Variants in IQUB observed in about 807,000 individuals in gnomAD.
The protein encoded by IQUB is IQ motif and ubiquitin-like domain-containing protein.
IQUB carries 86 observed loss-of-function variants against 86.4 expected under a neutral mutation model. The observed-to-expected ratio is 1.00, with a 90% CI of 0.84 to 1.19. IQUB has a LOEUF of 1.19. Among genes scored for constraint, IQUB ranks in the 50% most tolerant of loss-of-function variants. The probability of loss-of-function intolerance (pLI) is 0.00; values close to 1 mark genes in which losing one functional copy is unlikely to be tolerated. For synonymous variants in IQUB, 289 were observed against 304.5 expected, an observed-to-expected ratio of 0.95 and a Z score of 0.53; for missense variants, 946 against 916.9, an observed-to-expected ratio of 1.03 and a Z score of -0.41.
chr7:123,524,828 G>C (rs983979636), intron 1 of IQUB, among the ~76,000 whole-genome samples: 1 of 149,970 alleles, frequency 6.7e-6, no homozygotes, highest in Non-Finnish European at 1.5e-5. Context: ...TATGATATTG[G>C]CTGTGGGTTT....
chr7:123,469,142 G>C, intron 9 of IQUB, 72 bp downstream of exon 9: 1 of 1,059,794 alleles, frequency 9.4e-7, no homozygotes, highest in Non-Finnish European at 1.3e-6. Context: ...CACTTTACTT[G>C]TTTTAGTATT....
chr7:123,510,588 A>T (rs933013772), intron 2 of IQUB, among the ~76,000 whole-genome samples: 1 of 152,186 alleles, frequency 6.6e-6, no homozygotes, highest in African/African-American at 2.4e-5. Context: ...ACTGTTTTAC[A>T]TCTACAGACT....
chr7:123,529,477 GTTT>G (rs74558576), intron 1 of IQUB, among the ~76,000 whole-genome samples: 1 of 147,922 alleles, frequency 6.8e-6, no homozygotes. Context: ...TGTCTCTAGT[GTTT>G]TTTTTTTGTT....
At position 123,509,990 on chromosome 7, in the gene IQUB, A is replaced by G. The variant is rs766387406; in HGVS notation, c.443T>C (p.Phe148Ser). 8 of 1,595,494 alleles carry G rather than the reference A, an allele frequency of 5.0e-6. No homozygotes were observed. Among genetic ancestry groups the G allele is most frequent in the Non-Finnish European group, 6.9e-6 (8 of 1,166,304 alleles). ...IPVGQEIVIPFKVDTILKYLK... is the reference protein window; with the variant it reads ...IPVGQEIVIPSKVDTILKYLK... The stretch of plus-strand genomic sequence containing the variant: ...ATATTTAAGAATGGTATCAACCTTA[A>G]AAGGTATTACAATTTCCTGGCCCAC... The change falls in exon 3 of 13, where the codon TTT becomes TCT. Residue 148 changes from phenylalanine to serine, a missense_variant. Phe to Ser is a radical substitution (Grantham distance 155). Coordinates refer to ENST00000324698, the MANE Select transcript of IQUB (RefSeq NM_178827.5).
intron 3 of IQUB, among the ~76,000 whole-genome samples, chr7:123,505,534 T>C (rs1796139185): frequency 6.6e-6 from 1 of 152,118 alleles, no homozygotes; most frequent in Admixed American, 6.5e-5. Flanking sequence ...CTTAATACCA[T>C]ATGGAAGCCA....
chr7:123,530,465 A>AAAC (rs369535882), intron 1 of IQUB, among the ~76,000 whole-genome samples: 4 of 151,980 alleles, frequency 2.6e-5, no homozygotes, highest in East Asian at 3.9e-4. Flanking sequence ...AAACAACAAC[A>AAAC]AACAACAACA....
At chr7:123,494,828 A>G (rs755822424) in intron 7 of IQUB, among the ~76,000 whole-genome samples, 10 of 152,126 alleles carry the variant, frequency 6.6e-5, no homozygotes, top group Non-Finnish European at 1.0e-4. Context: ...GAGGTTTAGG[A>G]TAAGTGAGAA....
chr7:123,513,101 G>A (rs1796499671), intron 1 of IQUB, among the ~76,000 whole-genome samples: 1 of 152,142 alleles, frequency 6.6e-6, no homozygotes, highest in Non-Finnish European at 1.5e-5. Flanking sequence ...CAAAGGCAAG[G>A]GGAATATGAA....
Position 123,534,559 on chromosome 7 carries a change from T to C in IQUB, c.-72A>G, listed in dbSNP as rs1228792858. Reference sequence around the variant, plus strand: ...GGCTCCTAAGACGCAGCTTCCATACTCGCCGCGTTCTCAGCTGTTGGTCGT... The same window carrying C: ...GGCTCCTAAGACGCAGCTTCCATACCCGCCGCGTTCTCAGCTGTTGGTCGT... On this transcript the variant is annotated 5_prime_UTR_variant, in exon 1 of 13. Coordinates refer to ENST00000324698, the MANE Select transcript of IQUB (RefSeq NM_178827.5). 1 of 153,588 alleles carries C rather than the reference T, an allele frequency of 6.5e-6. No homozygotes were observed. Among genetic ancestry groups the C allele is most frequent in the Non-Finnish European group, 1.5e-5 (1 of 68,706 alleles). The allele number at this position is 153,588 out of a possible 1,614,324, so 9.5% of individuals were successfully genotyped here.
At chr7:123,504,951 C>G (rs1796111274) in intron 3 of IQUB, among the ~76,000 whole-genome samples, 1 of 152,196 alleles carries the variant, frequency 6.6e-6, no homozygotes, top group Non-Finnish European at 1.5e-5. Flanking sequence ...AAATCAAAAA[C>G]AAGTTAGTTA....
At chr7:123,463,539 C>CTATAGTATGACTGA (rs1794099538) in intron 10 of IQUB, among the ~76,000 whole-genome samples, 1 of 151,734 alleles carries the variant, frequency 6.6e-6, no homozygotes, top group East Asian at 1.9e-4. Flanking sequence ...CAAAAGACTA[C>CTATAGTATGACTGA]ATATAGTATG....
intron 6 of IQUB, 135 bp downstream of exon 6, chr7:123,502,462 G>C (rs909515089): frequency 2.8e-6 from 2 of 705,756 alleles, no homozygotes; most frequent in South Asian, 1.8e-5. Flanking sequence ...AGACTGCTTT[G>C]TTAGCAGTGA....
At chr7:123,519,419 A>G (rs1353327664) in intron 1 of IQUB, among the ~76,000 whole-genome samples, 1 of 152,236 alleles carries the variant, frequency 6.6e-6, no homozygotes, top group Non-Finnish European at 1.5e-5. Flanking sequence ...CACCGAATAA[A>G]GAAAGAAAAT....
chr7:123,497,789 A>G (rs1057326603), intron 6 of IQUB, among the ~76,000 whole-genome samples: 6 of 150,724 alleles, frequency 4.0e-5, no homozygotes, highest in Non-Finnish European at 7.4e-5. Context: ...CCAAAAGAAT[A>G]GAAACTTTGA....
chr7:123,529,071 TTTG>T (rs1226917014), intron 1 of IQUB, among the ~76,000 whole-genome samples: 1 of 152,174 alleles, frequency 6.6e-6, no homozygotes, highest in East Asian at 1.9e-4. Flanking sequence ...TATCATTCAT[TTTG>T]TTGTTGTTTT....
chr7:123,469,708 G>A (rs1794440129), intron 8 of IQUB, among the ~76,000 whole-genome samples: 1 of 152,052 alleles, frequency 6.6e-6, no homozygotes, highest in Non-Finnish European at 1.5e-5. Context: ...TTATTTGCTT[G>A]GTTCAATTAT....
At chr7:123,527,589 C>G (rs372520138) in intron 1 of IQUB, among the ~76,000 whole-genome samples, 113 of 152,100 alleles carry the variant, frequency 7.4e-4, no homozygotes, top group Non-Finnish European at 1.3e-3. Context: ...AGGTGTCAGT[C>G]TGCCCCTGCT....
At chr7:123,475,867 T>C (rs1289319745) in intron 8 of IQUB, among the ~76,000 whole-genome samples, 1 of 152,200 alleles carries the variant, frequency 6.6e-6, no homozygotes, top group Admixed American at 6.6e-5. Context: ...AGCAATTTGC[T>C]AAACAAATAG....
chr7:123,531,759 T>C (rs1797546864), intron 1 of IQUB, among the ~76,000 whole-genome samples: 1 of 152,206 alleles, frequency 6.6e-6, no homozygotes, highest in East Asian at 1.9e-4. Flanking sequence ...TATCAGTAAG[T>C]ACAGATTCAA....
Sources: gnomAD v4.1 joint callset for allele counts (sites outside exome capture counted in the v4.1 genomes callset) on GRCh38, gnomAD v4.1.1 for gene constraint, MANE v1.5 for transcripts, NCBI Gene and HGNC (gene_info 2026-07-23, HGNC 2026-07-21) for gene names.